COQ6: variants seen among roughly 807,000 people sequenced by gnomAD.
COQ6 encodes the protein coenzyme Q6, monooxygenase.
In COQ6, 45 loss-of-function variants were observed where a neutral mutation model predicts 55.5. The ratio of observed to expected loss-of-function variants is 0.81; its 90% CI spans 0.64 to 1.04. The LOEUF is 1.04. Ranked by LOEUF, COQ6 falls within the 50% of genes least tolerant of loss-of-function variation. The pLI, the probability that COQ6 is intolerant of heterozygous loss-of-function variation, is 0.00. For synonymous variants in COQ6, 206 were observed against 230.5 expected, an observed-to-expected ratio of 0.89 and a Z score of 0.96; for missense variants, 550 against 601.3, an observed-to-expected ratio of 0.91 and a Z score of 0.89.
In COQ6 at chr14:73,953,418, A is replaced by G; in HGVS notation, c.164-17A>G. On this transcript the variant is annotated splice_polypyrimidine_tract_variant and intron_variant, in intron 1 of 11. Coordinates refer to ENST00000334571, the MANE Select transcript of COQ6 (RefSeq NM_182476.3). Reference sequence around the variant, plus strand: ...TTCTTGATTTTCCTAAGATGATATAAATTTTCTTTTTTTAAGGATATGATA... The same window carrying G: ...TTCTTGATTTTCCTAAGATGATATAGATTTTCTTTTTTTAAGGATATGATA... 1.9e-6 allele frequency: 3 copies of G among 1,598,624 alleles called. No homozygotes were observed. The African/African-American group carries it at 4.0e-5, about 21-fold the overall frequency.
chr14:73,958,481 A>ATG (rs1345980017), intron 5 of COQ6: 2 of 1,406,472 alleles, frequency 1.4e-6, no homozygotes, highest in Non-Finnish European at 9.3e-7. Flanking sequence ...GGGCCGTCTT[A>ATG]GGTTGTGAAA....
chr14:73,959,911 G>C (rs765220882), intron 8 of COQ6: 250 of 1,187,118 alleles, frequency 2.1e-4, no homozygotes, highest in Non-Finnish European at 2.4e-4. Flanking sequence ...TAACCAGTCA[G>C]CTGTCCCTTT....
intron 1 of COQ6, among the ~76,000 whole-genome samples, chr14:73,952,345 ACTC>A (rs1411637954): frequency 6.7e-6 from 1 of 149,700 alleles, no homozygotes; most frequent in Non-Finnish European, 1.5e-5. Context: ...CTGGTCTTGA[ACTC>A]CTGAGCTCAA....
At position 73,955,455 on chromosome 14, in the gene COQ6, T is replaced by C. The variant is rs1450160452; in HGVS notation, c.303T>C (p.Phe101=). The C allele has an allele frequency of 1.2e-6, 2 of 1,614,106 alleles. No individual in the cohort carries two copies. The change falls in exon 3 of 12, where the codon TTT becomes TTC. Residue 101 remains phenylalanine (F), a synonymous_variant. Transcript: ENST00000334571. ...TATAGATCCTTTCTTTTGTAGGTTT[T>C]GGTGCCTGGGACCATATCTGCAACA... is the stretch of plus-strand genomic sequence containing the variant. ...SPGSATLLSS[F]GAWDHICNMR...
rs529563107 is a variant in COQ6, at chr14:73,959,584, T to G, written c.891+62T>G. 1.1e-4 allele frequency: 175 copies of G among 1,610,086 alleles called. No individual in the cohort carries two copies. The African/African-American group carries it at 1.3e-3, about 12-fold the overall frequency. On this transcript the variant is annotated intron_variant, in intron 8 of 11. Coordinates refer to ENST00000334571, the MANE Select transcript of COQ6 (RefSeq NM_182476.3). ...GGGGGAGATACAGAAAGGTGTTGTT[T>G]TTTTTTTTTTGAAACGGATCCTTGC...
rs1367023859 is a variant in COQ6 at position 73,950,715 on chromosome 14, CT to C, written c.163+221del. 4.7e-6 allele frequency: 3 copies of C among 641,722 alleles called. No individual in the cohort carries two copies. The African/African-American group carries it at 5.5e-5, about 12-fold the overall frequency. 39.8% of individuals were successfully genotyped at this position (641,722 alleles called of 1,614,324 possible). Reference sequence around the variant, plus strand: ...GGAGGGGCGTTCAGAGTCTGTTCTACTCATGGGAAAACAGGCCTTCCCGGGG... The same window carrying C: ...GGAGGGGCGTTCAGAGTCTGTTCTACCATGGGAAAACAGGCCTTCCCGGGG... On this transcript the variant is annotated intron_variant, in intron 1 of 11. Transcript: ENST00000334571.
In COQ6 at chr14:73,963,260, A is replaced by C. The variant is rs2056837209; in HGVS notation, c.*261A>C. 8.9e-6 allele frequency: 5 copies of C among 562,360 alleles called. No homozygotes were observed. In the South Asian group the frequency reaches 1.3e-4, roughly 15 times the overall value. The allele number at this position is 562,360 out of a possible 1,614,324, so 34.8% of individuals were successfully genotyped here. A position where few individuals can be genotyped will look rare whatever the true frequency, so the allele number is the denominator to read the frequency against. On this transcript the variant is annotated 3_prime_UTR_variant, in exon 12 of 12. Transcript: ENST00000334571. ...TTGAAAAGAGCTTTTTATTACTAAA[A>C]AACCCACAAGGTGCTGTCTCACTCA...
chr14:73,949,952 C>G, upstream of COQ6: 3 of 1,612,688 alleles, frequency 1.9e-6, no homozygotes, highest in Non-Finnish European at 1.7e-6. Flanking sequence ...TTCCCGGGGG[C>G]AGTCTCTTTT....
intron 1 of COQ6, 117 bp downstream of exon 1, chr14:73,950,612 C>T (rs1341901531): frequency 6.4e-6 from 9 of 1,415,998 alleles, no homozygotes; most frequent in African/African-American, 1.4e-5. Context: ...CGCGACGCTT[C>T]TCCCCTCCCC....
Position 73,960,510 on chromosome 14 carries a change from C to T in COQ6, c.892-663C>T, listed in dbSNP as rs549232602. On this transcript the variant is annotated intron_variant, in intron 8 of 11. Transcript: ENST00000334571. ...GAACTGAACATACTGAAATGGATTC[C>T]GAGATAAATGGTGAACACTACCCTA... The T allele has an allele frequency of 1.9e-3, 1,918 of 995,722 alleles. 2 individuals carry two copies. The highest frequency in any genetic ancestry group is 2.2e-3 in the Non-Finnish European group (1,832 of 834,802). 61.7% of individuals were successfully genotyped at this position (995,722 alleles called of 1,614,324 possible).
chr14:73,962,622 G>A (rs2056796854), intron 11 of COQ6: 1 of 223,022 alleles, frequency 4.5e-6, no homozygotes, highest in African/African-American at 2.3e-5. Flanking sequence ...TTTGCTGCTT[G>A]ACTAGTTTCA....
At chr14:73,950,605 G>C (rs2056150078) in intron 1 of COQ6, 110 bp downstream of exon 1, 1 of 1,448,538 alleles carries the variant, frequency 6.9e-7, no homozygotes, top group African/African-American at 1.4e-5. Flanking sequence ...CAGGTCTCGC[G>C]ACGCTTCTCC....
Position 73,957,747 on chromosome 14 carries a change from T to G in COQ6, c.482-400T>G, listed in dbSNP as rs972940734. On this transcript the variant is annotated intron_variant, in intron 4 of 11. Transcript: ENST00000334571. ...TGCCTGGCCATAGAGCGTATTGTTT[T>G]TATGACCAGAAAAATAAAATGATTT... Among the ~76,000 whole-genome samples the G allele has an allele frequency of 3.3e-5, 5 of 152,336 alleles. No individual in the cohort carries two copies. In the East Asian group the frequency reaches 5.8e-4, roughly 18 times the overall value.
At chr14:73,955,276 A>C in intron 2 of COQ6, 175 bp from the exon 3 acceptor site, 1 of 675,926 alleles carries the variant, frequency 1.5e-6, no homozygotes, top group Non-Finnish European at 2.7e-6. Flanking sequence ...TTTTCATGCT[A>C]TACAACCTGG....
intron 1 of COQ6, among the ~76,000 whole-genome samples, 187 bp from the exon 2 acceptor site, chr14:73,953,248 C>T (rs1339599313): frequency 6.6e-6 from 1 of 152,032 alleles, no homozygotes; most frequent in Non-Finnish European, 1.5e-5. Flanking sequence ...CAGTTGTGGG[C>T]AGGGTGGTTC....
At chr14:73,953,376 GGT>G (rs1471846636) in intron 1 of COQ6, 57 bp from the exon 2 acceptor site, 68 of 1,426,302 alleles carry the variant, frequency 4.8e-5, no homozygotes, top group Non-Finnish European at 6.2e-5. Context: ...TGTTTCTCTT[GGT>G]AATGGGAAAG....
Position 73,963,064 on chromosome 14 carries a change from C to A in COQ6, c.*65C>A. 1 of 1,246,240 alleles carries A rather than the reference C, an allele frequency of 8.0e-7. No homozygotes were observed. Among genetic ancestry groups the A allele is most frequent in the Non-Finnish European group, 1.2e-6 (1 of 845,598 alleles). 77.2% of individuals were successfully genotyped at this position (1,246,240 alleles called of 1,614,324 possible). ...AACATCCTGCCCAGGACCCATCATA[C>A]ATATTTTCAAGATCTTATTTAATTT... On this transcript the variant is annotated 3_prime_UTR_variant, in exon 12 of 12. Coordinates refer to ENST00000334571, the MANE Select transcript of COQ6 (RefSeq NM_182476.3).
chr14:73,962,889 C>T (rs967068336), intron 11 of COQ6, 81 bp from the exon 12 acceptor site: 1 of 1,168,990 alleles, frequency 8.6e-7, no homozygotes, highest in Non-Finnish European at 1.3e-6. Context: ...GGGAAGAATA[C>T]CTACGTGATT....
Position 73,961,975 on chromosome 14 carries a change from CT to C in COQ6, c.1377+74del, listed in dbSNP as rs1225875741. The C allele has an allele frequency of 3.2e-6, 5 of 1,563,300 alleles. No homozygotes were observed. The African/African-American group carries it at 5.4e-5, about 17-fold the overall frequency. On this transcript the variant is annotated intron_variant, in intron 11 of 11. Transcript: ENST00000334571. ...CTTTTGCTTTTTTTTGAAACAGAGT[CT>C]TGGTCTTATCGCCCAGGATGGAGTG...
Sources: allele counts gnomAD v4.1 joint callset (sites outside exome capture counted in the v4.1 genomes callset), GRCh38; gene constraint gnomAD v4.1.1; transcripts MANE v1.5; gene names NCBI Gene and HGNC (gene_info 2026-07-23, HGNC 2026-07-21).